Variants in EMB observed in about 807,000 individuals in gnomAD.
The protein encoded by EMB is embigin, also known as embigin homolog.
A neutral mutation model predicts 41.4 loss-of-function variants in EMB; 31 were observed. That is an observed-to-expected ratio of 0.75 (90% CI 0.56 to 1.01). The LOEUF (loss-of-function observed/expected upper bound fraction) is 1.01. EMB is among the 50% of genes least tolerant of loss of function. The pLI, the probability that EMB is intolerant of heterozygous loss-of-function variation, is 0.00. For synonymous variants in EMB, 137 were observed against 140.4 expected, an observed-to-expected ratio of 0.98 and a Z score of 0.17; for missense variants, 379 against 388.3, an observed-to-expected ratio of 0.98 and a Z score of 0.20.
intron 1 of EMB, among the ~76,000 whole-genome samples, chr5:50,432,346 A>C (rs569752788): frequency 6.3e-4 from 96 of 152,340 alleles, no homozygotes; most frequent in African/African-American, 2.3e-3. Context: ...TGCTATCAAC[A>C]TGCAGTACTT....
At chr5:50,439,615 T>A (rs1468572191) in intron 1 of EMB, among the ~76,000 whole-genome samples, 6 of 151,900 alleles carry the variant, frequency 3.9e-5, no homozygotes, top group Non-Finnish European at 8.8e-5. Flanking sequence ...GCCTGGACAA[T>A]TCTTTATAAG....
At chr5:50,439,238 A>G (rs1414801665) in intron 1 of EMB, among the ~76,000 whole-genome samples, 1 of 151,992 alleles carries the variant, frequency 6.6e-6, no homozygotes, top group Non-Finnish European at 1.5e-5. Flanking sequence ...GAACTGCAAT[A>G]CTCTGAGGTG....
intron 4 of EMB, among the ~76,000 whole-genome samples, chr5:50,406,311 GAGTT>G (rs1745247659): frequency 6.6e-6 from 1 of 151,786 alleles, no homozygotes; most frequent in Admixed American, 6.6e-5. Flanking sequence ...AGCCAGCAAA[GAGTT>G]AGAGAAGGTG....
chr5:50,420,700 G>T (rs542024445), intron 2 of EMB, among the ~76,000 whole-genome samples: 9 of 152,230 alleles, frequency 5.9e-5, no homozygotes, highest in Non-Finnish European at 1.3e-4. Flanking sequence ...AGTCTGCCAT[G>T]TTCACCACTG....
chr5:50,421,815 C>G (rs1745528662), intron 2 of EMB, among the ~76,000 whole-genome samples: 1 of 148,440 alleles, frequency 6.7e-6, no homozygotes, highest in South Asian at 2.1e-4. Context: ...AAACACCACA[C>G]GTTCTCACTC....
At chr5:50,416,113 A>G (rs1030273965) in intron 2 of EMB, among the ~76,000 whole-genome samples, 1 of 152,192 alleles carries the variant, frequency 6.6e-6, no homozygotes, top group African/African-American at 2.4e-5. Context: ...CACAGCATCA[A>G]AAACATGCAA....
intron 1 of EMB, among the ~76,000 whole-genome samples, chr5:50,429,626 T>C (rs1745680238): frequency 6.6e-6 from 1 of 152,184 alleles, no homozygotes; most frequent in Non-Finnish European, 1.5e-5. Flanking sequence ...CCATGGCACA[T>C]GTATACCTAC....
rs1745115303 is a variant in EMB at position 50,399,000 on chromosome 5, C to G, written c.*273G>C. 1.1e-5 allele frequency: 3 copies of G among 276,916 alleles called. No homozygotes were observed. In the East Asian group the frequency reaches 2.0e-4, roughly 19 times the overall value. The allele number at this position is 276,916 out of a possible 1,614,324, so 17.2% of individuals were successfully genotyped here. A position where few individuals can be genotyped will look rare whatever the true frequency, so the allele number is the denominator to read the frequency against. ...TTAAGTGATTCTGCTGATATCTGTTCTGTGTGTCCTTTGAAGACCAGAATA... is the reference window on the plus strand; with the variant it reads ...TTAAGTGATTCTGCTGATATCTGTTGTGTGTGTCCTTTGAAGACCAGAATA... On this transcript the variant is annotated 3_prime_UTR_variant, in exon 9 of 9. Transcript: ENST00000303221.
At chr5:50,408,620 T>G (rs192472601) in intron 4 of EMB, among the ~76,000 whole-genome samples, 4 of 152,048 alleles carry the variant, frequency 2.6e-5, no homozygotes, top group Non-Finnish European at 4.4e-5. Context: ...GCAGAAAAAT[T>G]TATCTTTGGT....
chr5:50,428,579 A>G (rs1158142714), intron 1 of EMB: 10 of 994,312 alleles, frequency 1.0e-5, no homozygotes, highest in Non-Finnish European at 1.2e-5. Context: ...AAATGGAAAG[A>G]TATGAAGAGG....
chr5:50,433,463 CTT>C (rs1418494125), intron 1 of EMB, among the ~76,000 whole-genome samples: 2 of 152,136 alleles, frequency 1.3e-5, no homozygotes, highest in African/African-American at 4.8e-5. Flanking sequence ...CAAATAAAAA[CTT>C]ATTAAAAAAT....
intron 7 of EMB, among the ~76,000 whole-genome samples, chr5:50,400,750 G>A (rs1162286380): frequency 6.6e-6 from 1 of 152,030 alleles, no homozygotes; most frequent in Non-Finnish European, 1.5e-5. Context: ...TGCTATACAA[G>A]ATGAGCAAAA....
intron 2 of EMB, chr5:50,411,753 T>A (rs1005360266): frequency 9.7e-5 from 15 of 155,404 alleles, no homozygotes; most frequent in South Asian, 4.1e-4. Context: ...GAGAATGGAA[T>A]GCCTGTTTCA....
At position 50,408,489 on chromosome 5, in the gene EMB, C is replaced by T. The variant is rs183127194; in HGVS notation, c.472+2388G>A. On this transcript the variant is annotated intron_variant, in intron 4 of 8. Coordinates refer to ENST00000303221, the MANE Select transcript of EMB (RefSeq NM_198449.3). ...TTGAACTAATCAGTAATCTTGAGGG[C>T]CTTTTACAACTTTGTAGTAGTAAAT... 5.1e-4 allele frequency among the ~76,000 whole-genome samples: 78 copies of T among 151,996 alleles called. 1 individual carries two copies. Among genetic ancestry groups the T allele is most frequent in the Admixed American group, 3.9e-3 (59 of 15,212 alleles).
intron 7 of EMB, among the ~76,000 whole-genome samples, chr5:50,400,315 C>A (rs537211090): frequency 1.3e-4 from 19 of 151,914 alleles, no homozygotes; most frequent in Non-Finnish European, 1.8e-4. Flanking sequence ...AAAAATGGTT[C>A]TTTTTCCACC....
At chr5:50,402,405 T>G in intron 6 of EMB, 86 bp from the exon 7 acceptor site, 2 of 1,225,680 alleles carry the variant, frequency 1.6e-6, no homozygotes, top group Non-Finnish European at 2.4e-6. Context: ...CCTTCCTAAG[T>G]AAGTAAGTAC....
chr5:50,407,102 C>T (rs938546645), intron 4 of EMB, among the ~76,000 whole-genome samples: 2 of 151,960 alleles, frequency 1.3e-5, no homozygotes, highest in African/African-American at 4.8e-5. Flanking sequence ...ACACAGTTTC[C>T]GCTTTCCCAG....
intron 5 of EMB, among the ~76,000 whole-genome samples, chr5:50,405,037 G>A (rs1745225940): frequency 6.6e-6 from 1 of 151,952 alleles, no homozygotes; most frequent in South Asian, 2.1e-4. Flanking sequence ...AAGGAAGGGT[G>A]TCTCTTAAAG....
intron 5 of EMB, 124 bp from the exon 6 acceptor site, chr5:50,403,578 A>T: frequency 9.6e-7 from 1 of 1,042,542 alleles, no homozygotes; most frequent in Non-Finnish European, 1.4e-6. Context: ...GGCATATTAA[A>T]GTTTGTGAGA....
Sources: allele counts gnomAD v4.1 joint callset (sites outside exome capture counted in the v4.1 genomes callset), GRCh38; gene constraint gnomAD v4.1.1; transcripts MANE v1.5; gene names NCBI Gene and HGNC (gene_info 2026-07-23, HGNC 2026-07-21).